MAP3K4: variants seen among roughly 807,000 people sequenced by gnomAD.
MAP3K4 encodes the protein mitogen-activated protein kinase kinase kinase 4.
A neutral mutation model predicts 185.6 loss-of-function variants in MAP3K4; 67 were observed. That is an observed-to-expected ratio of 0.36 (90% CI 0.30 to 0.44). MAP3K4 has a LOEUF of 0.44. Among genes scored for constraint, MAP3K4 ranks in the 20% least tolerant of loss-of-function variants. MAP3K4 has a pLI of 1.00. For synonymous variants in MAP3K4, 702 were observed against 710.4 expected, an observed-to-expected ratio of 0.99 and a Z score of 0.19; for missense variants, 1,551 against 1,995.1, an observed-to-expected ratio of 0.78 and a Z score of 4.24.
chr6:161,044,524 G>A (rs566707570), intron 2 of MAP3K4, among the ~76,000 whole-genome samples: 32 of 152,040 alleles, frequency 2.1e-4, no homozygotes, highest in Non-Finnish European at 4.4e-4. Context: ...GACTACCCCC[G>A]CACCCAACAC....
intron 1 of MAP3K4, among the ~76,000 whole-genome samples, chr6:161,030,948 G>A (rs796836752): frequency 6.6e-6 from 1 of 152,174 alleles, no homozygotes; most frequent in African/African-American, 2.4e-5. Flanking sequence ...CGAATTATAA[G>A]TATAGTGGCT....
Position 161,022,129 on chromosome 6 carries a change from A to C in MAP3K4, c.153-12130A>C. ...CGCACACCGGCACACACCCAGGCTC[A>C]TGTGAAAGGAACGGAGACTCAAGCC... On this transcript the variant is annotated intron_variant, in intron 1 of 26. Coordinates refer to ENST00000392142, the MANE Select transcript of MAP3K4 (RefSeq NM_005922.4). The surrounding 1 kb of genome is among the most constrained non-coding windows in gnomAD (Gnocchi z 4.2). 1 of 152,342 alleles carries C rather than the reference A, an allele frequency of 6.6e-6. No homozygotes were observed. The highest frequency in any genetic ancestry group is 1.9e-4 in the East Asian group (1 of 5,182). 9.4% of individuals were successfully genotyped at this position (152,342 alleles called of 1,614,324 possible). A position where few individuals can be genotyped will look rare whatever the true frequency, so the allele number is the denominator to read the frequency against.
chr6:161,108,386 C>T lies in MAP3K4; in HGVS notation c.4120-357C>T, dbSNP rs1343011224. On this transcript the variant is annotated intron_variant, in intron 21 of 26. Coordinates refer to ENST00000392142, the MANE Select transcript of MAP3K4 (RefSeq NM_005922.4). The surrounding 1 kb of genome is among the most constrained non-coding windows in gnomAD (Gnocchi z 5.7). Reference sequence around the variant, plus strand: ...AGGGCCAGGGAACCTGAAGTAGAAACAGGACTCACTGCTGTCTGTGGAGAC... The same window carrying T: ...AGGGCCAGGGAACCTGAAGTAGAAATAGGACTCACTGCTGTCTGTGGAGAC... Among the ~76,000 whole-genome samples the T allele has an allele frequency of 6.6e-6, 1 of 152,204 alleles. No individual in the cohort carries two copies. The highest frequency in any genetic ancestry group is 1.5e-5 in the Non-Finnish European group (1 of 68,042).
In MAP3K4 at chr6:161,086,810, G is replaced by A; in HGVS notation, c.2556+143G>A. ...ACAACCCCAGTTGTAAGACTGTCCT[G>A]TAATTCACCAGTGGAATAATGAAAC... On this transcript the variant is annotated intron_variant, in intron 9 of 26. Coordinates refer to ENST00000392142, the MANE Select transcript of MAP3K4 (RefSeq NM_005922.4). This position sits in a 1 kb window ranked among gnomAD's most constrained non-coding sequence, Gnocchi z 4.8. 3.3e-6 allele frequency: 2 copies of A among 608,154 alleles called. No homozygotes were observed. Among genetic ancestry groups the A allele is most frequent in the South Asian group, 2.2e-5 (1 of 44,930 alleles). 37.7% of individuals were successfully genotyped at this position (608,154 alleles called of 1,614,324 possible). A position where few individuals can be genotyped will look rare whatever the true frequency, so the allele number is the denominator to read the frequency against.
In MAP3K4 at chr6:161,110,499, G is replaced by A. The variant is rs78067377; in HGVS notation, c.4396+585G>A. ...TCACCGTGGCATTTGCCTTAACCAC[G>A]CCATGCCCCTGACCTTTGTATTTGC... On this transcript the variant is annotated intron_variant, in intron 23 of 26. Coordinates refer to ENST00000392142, the MANE Select transcript of MAP3K4 (RefSeq NM_005922.4). The surrounding 1 kb of genome is among the most constrained non-coding windows in gnomAD (Gnocchi z 4.8). 2.0e-5 allele frequency among the ~76,000 whole-genome samples: 3 copies of A among 152,284 alleles called. No individual in the cohort carries two copies. Among genetic ancestry groups the A allele is most frequent in the Admixed American group, 6.5e-5 (1 of 15,294 alleles).
At chr6:161,026,871 G>C (rs1289926563) in intron 1 of MAP3K4, among the ~76,000 whole-genome samples, 1 of 151,128 alleles carries the variant, frequency 6.6e-6, no homozygotes, top group Non-Finnish European at 1.5e-5. Context: ...TTTTCTGAAA[G>C]CCTTCATCTG....
intron 2 of MAP3K4, among the ~76,000 whole-genome samples, chr6:161,047,357 T>G (rs1395148015): frequency 2.6e-5 from 4 of 151,040 alleles, no homozygotes; most frequent in Admixed American, 2.6e-4. Flanking sequence ...GGAGGATCAC[T>G]CGAGCCCAGG....
In MAP3K4 at chr6:161,110,954, A is replaced by G. The variant is rs1218853563; in HGVS notation, c.4397-882A>G. ...GGTGTTTGCACGTTTGTTCCGTGGCAGGAAGAGACTCCCTTAGAATCTGAA... is the reference window on the plus strand; with the variant it reads ...GGTGTTTGCACGTTTGTTCCGTGGCGGGAAGAGACTCCCTTAGAATCTGAA... On this transcript the variant is annotated intron_variant, in intron 23 of 26. Coordinates refer to ENST00000392142, the MANE Select transcript of MAP3K4 (RefSeq NM_005922.4). This position sits in a 1 kb window ranked among gnomAD's most constrained non-coding sequence, Gnocchi z 4.8. 6.6e-6 allele frequency among the ~76,000 whole-genome samples: 1 copy of G among 152,218 alleles called. No homozygotes were observed. The highest frequency in any genetic ancestry group is 1.5e-5 in the Non-Finnish European group (1 of 68,038).
At chr6:161,059,708 A>G (rs1037074613) in intron 3 of MAP3K4, among the ~76,000 whole-genome samples, 1 of 152,108 alleles carries the variant, frequency 6.6e-6, no homozygotes, top group Non-Finnish European at 1.5e-5. Context: ...TTATTTTATG[A>G]CTACCTTATT....
At chr6:161,055,473 C>G (rs978806148) in intron 3 of MAP3K4, among the ~76,000 whole-genome samples, 1 of 152,156 alleles carries the variant, frequency 6.6e-6, no homozygotes, top group Admixed American at 6.5e-5. Context: ...GCTCTTCATC[C>G]AGCACGCCTT....
At chr6:161,068,932 C>G (rs1784817798) in intron 3 of MAP3K4, among the ~76,000 whole-genome samples, 2 of 152,180 alleles carry the variant, frequency 1.3e-5, no homozygotes, top group Non-Finnish European at 2.9e-5. Flanking sequence ...TCTGACAGTT[C>G]TAGATGTGGG....
intron 10 of MAP3K4, 34 bp from the exon 11 acceptor site, chr6:161,089,288 G>T: frequency 6.2e-7 from 1 of 1,601,642 alleles, no homozygotes; most frequent in South Asian, 1.1e-5. Flanking sequence ...TAACTGGGTT[G>T]GTTTTTATGT....
At chr6:161,102,345 A>G (rs1257989518) in intron 18 of MAP3K4, among the ~76,000 whole-genome samples, 1 of 152,232 alleles carries the variant, frequency 6.6e-6, no homozygotes, top group African/African-American at 2.4e-5. Context: ...TTTATTTATA[A>G]TGCAGCCCTC....
chr6:161,065,937 CAA>C (rs34648628), intron 3 of MAP3K4, among the ~76,000 whole-genome samples: 9 of 78,820 alleles, frequency 1.1e-4, no homozygotes, highest in South Asian at 1.1e-3. Context: ...GACTCCGTCT[CAA>C]AAAAAAAAAA....
chr6:161,072,900 GT>G lies in MAP3K4; in HGVS notation c.1951-559del, dbSNP rs3837008. On this transcript the variant is annotated intron_variant, in intron 4 of 26. Transcript: ENST00000392142. ...TGCAAATTTGCCCATTTTTTGTTTT[GT>G]TTTTTTCTGTTGATTTTTATCTAAT... Among the ~76,000 whole-genome samples, 13 of 151,676 alleles carry G rather than the reference GT, an allele frequency of 8.6e-5. No homozygotes were observed. In the East Asian group the frequency reaches 2.5e-3, roughly 29 times the overall value.
Position 161,115,751 on chromosome 6 carries a change from G to C in MAP3K4, c.4806+449G>C, listed in dbSNP as rs1243516691. ...CTTAGTTGTTTAAGAGCCACAGCCA[G>C]GTCAGAAGTGGGGGAGGGGGCATGG... On this transcript the variant is annotated intron_variant, in intron 26 of 26. Transcript: ENST00000392142. This position sits in a 1 kb window ranked among gnomAD's most constrained non-coding sequence, Gnocchi z 6.0. Among the ~76,000 whole-genome samples, 1 of 152,112 alleles carries C rather than the reference G, an allele frequency of 6.6e-6. No individual in the cohort carries two copies. The highest frequency in any genetic ancestry group is 2.4e-5 in the African/African-American group (1 of 41,414).
intron 19 of MAP3K4, 127 bp downstream of exon 19, chr6:161,102,906 G>A: frequency 1.7e-6 from 1 of 600,924 alleles, no homozygotes; most frequent in East Asian, 2.9e-5. Context: ...TTACTATTTT[G>A]TGATCTCACA....
rs535715487 is a variant in MAP3K4 at position 160,996,074 on chromosome 6, C to T, written c.152+3991C>T. 7.9e-5 allele frequency among the ~76,000 whole-genome samples: 12 copies of T among 152,294 alleles called. 1 individual carries two copies. Among genetic ancestry groups the T allele is most frequent in the South Asian group, 4.1e-4 (2 of 4,830 alleles). On this transcript the variant is annotated intron_variant, in intron 1 of 26. Transcript: ENST00000392142. The surrounding 1 kb of genome is among the most constrained non-coding windows in gnomAD (Gnocchi z 4.5). ...CTCCTAGGCAATTTGCTCTGCCTCT[C>T]GGCTTGAATGTCCACCTTGAGCCTG...
Position 161,044,152 on chromosome 6 carries a change from G to A in MAP3K4, c.344-4464G>A, listed in dbSNP as rs113358437. On this transcript the variant is annotated intron_variant, in intron 2 of 26. Coordinates refer to ENST00000392142, the MANE Select transcript of MAP3K4 (RefSeq NM_005922.4). The stretch of plus-strand genomic sequence containing the variant: ...GGCCAAAGGAAAAAGTGTTCCAGAG[G>A]TTTGCTTTAATTGTGCTACAAAAAT... Among the ~76,000 whole-genome samples, 484 of 152,174 alleles carry A rather than the reference G, an allele frequency of 3.2e-3. 4 individuals are homozygous for A. The highest frequency in any genetic ancestry group is 0.011 in the African/African-American group (464 of 41,536).
Sources: gnomAD v4.1 joint callset for allele counts (sites outside exome capture counted in the v4.1 genomes callset) on GRCh38, gnomAD v4.1.1 for gene constraint, Gnocchi (gnomAD v3.1) non-coding constraint, MANE v1.5 for transcripts, NCBI Gene and HGNC (gene_info 2026-07-23, HGNC 2026-07-21) for gene names.